Variants in NAV2 observed in about 807,000 individuals in gnomAD.
NAV2 encodes neuron navigator 2.
A neutral mutation model predicts 223.2 loss-of-function variants in NAV2; 54 were observed. The ratio of observed to expected loss-of-function variants is 0.24; its 90% CI spans 0.19 to 0.30. NAV2 has a LOEUF of 0.30. NAV2 is among the 10% of genes least tolerant of loss of function. NAV2 has a pLI of 1.00. For missense variants in NAV2, 2,806 were observed against 3,147.5 expected (o/e 0.89, Z 2.60); for synonymous variants, 1,279 against 1,239.3 (o/e 1.03, Z -0.67).
At chr11:19,969,223 T>G (rs1031631389) in intron 10 of NAV2, among the ~76,000 whole-genome samples, 18 of 152,204 alleles carry the variant, frequency 1.2e-4, no homozygotes, top group Admixed American at 3.9e-4. Flanking sequence ...AATTTGGCCA[T>G]GGAGAAATGA....
In NAV2 at chr11:19,779,102, C is replaced by T. The variant is rs546639325; in HGVS notation, c.268-53382C>T. 3.7e-4 allele frequency among the ~76,000 whole-genome samples: 57 copies of T among 152,280 alleles called. No individual in the cohort carries two copies. In the East Asian group the frequency reaches 0.01, roughly 27 times the overall value. ...CCGTTTAGTCTATGGAGGGAGCTTT[C>T]CTCAACAAGGGTCAGGGGTCAGCCT... On this transcript the variant is annotated intron_variant, in intron 1 of 37. Coordinates refer to ENST00000349880, the MANE Select transcript of NAV2 (RefSeq NM_145117.5).
At chr11:20,067,884 A>G (rs1421988367) in intron 20 of NAV2, among the ~76,000 whole-genome samples, 3 of 151,948 alleles carry the variant, frequency 2.0e-5, no homozygotes, top group Non-Finnish European at 4.4e-5. Context: ...CTTATCACAT[A>G]TCTTCTTCTG....
At chr11:19,816,924 C>A (rs999244082) in intron 1 of NAV2, among the ~76,000 whole-genome samples, 2 of 152,090 alleles carry the variant, frequency 1.3e-5, no homozygotes, top group South Asian at 2.1e-4. Flanking sequence ...TCTGTGCCTT[C>A]GGTCACAGCC....
At chr11:20,099,641 C>G (rs936390335) in intron 31 of NAV2, among the ~76,000 whole-genome samples, 6 of 152,154 alleles carry the variant, frequency 3.9e-5, no homozygotes, top group African/African-American at 1.4e-4. Context: ...AAAAACCACT[C>G]AAGGATTTGA....
At chr11:19,558,436 C>T (rs1322221214) in intron 1 of NAV2, among the ~76,000 whole-genome samples, 1 of 152,192 alleles carries the variant, frequency 6.6e-6, no homozygotes. Context: ...TGTGCCAAAC[C>T]CCTACTCACC....
chr11:19,523,105 G>GA (rs777773075), intron 1 of NAV2, among the ~76,000 whole-genome samples: 47 of 152,356 alleles, frequency 3.1e-4, no homozygotes, highest in Middle Eastern at 3.4e-3. Context: ...GCAGCCAGGA[G>GA]AGGGTACCTC....
At chr11:19,810,799 A>G (rs1565355356) in intron 1 of NAV2, among the ~76,000 whole-genome samples, 1 of 152,058 alleles carries the variant, frequency 6.6e-6, no homozygotes. Flanking sequence ...TGGCATCTGT[A>G]TTTTAATAAG....
At chr11:19,849,352 G>T (rs762212347) in intron 3 of NAV2, among the ~76,000 whole-genome samples, 2 of 152,222 alleles carry the variant, frequency 1.3e-5, no homozygotes, top group Non-Finnish European at 2.9e-5. Context: ...GTTAGGTTTA[G>T]CTGAGAGTTA....
At chr11:20,039,168 A>AT (rs2056677782) in intron 12 of NAV2, among the ~76,000 whole-genome samples, 1 of 152,178 alleles carries the variant, frequency 6.6e-6, no homozygotes, top group Non-Finnish European at 1.5e-5. Context: ...GGTGTCAGGG[A>AT]GTAGGTGTGG....
In NAV2 at chr11:20,093,610, C is replaced by T. The variant is rs1015838695; in HGVS notation, c.5916+411C>T. Among the ~76,000 whole-genome samples the T allele has an allele frequency of 2.6e-5, 4 of 152,300 alleles. No individual in the cohort carries two copies. In the South Asian group the frequency reaches 8.3e-4, roughly 32 times the overall value. On this transcript the variant is annotated intron_variant, in intron 29 of 37. Coordinates refer to ENST00000349880, the MANE Select transcript of NAV2 (RefSeq NM_145117.5). ...CAAGAGCACCAGTTTTATCGGTCAT[C>T]AGTCACCAAGAGTACACATCTTGGT... is the stretch of plus-strand genomic sequence containing the variant.
intron 1 of NAV2, among the ~76,000 whole-genome samples, chr11:19,582,726 T>A (rs2045761594): frequency 6.6e-6 from 1 of 152,216 alleles, no homozygotes; most frequent in South Asian, 2.1e-4. Context: ...TTGGTCTATA[T>A]CTCTGTTTTG....
chr11:19,887,258 C>T (rs959388822), intron 5 of NAV2, among the ~76,000 whole-genome samples: 7 of 152,042 alleles, frequency 4.6e-5, no homozygotes, highest in Admixed American at 1.3e-4. Flanking sequence ...TGGGGAGGGG[C>T]GTATGGAGGG....
At chr11:19,473,390 A>G (rs2042023842) in intron 1 of NAV2, among the ~76,000 whole-genome samples, 1 of 152,112 alleles carries the variant, frequency 6.6e-6, no homozygotes, top group African/African-American at 2.4e-5. Flanking sequence ...TAATTATTAA[A>G]TTTATTTAAA....
At chr11:19,677,733 C>T (rs1373137044) in intron 1 of NAV2, among the ~76,000 whole-genome samples, 2 of 152,254 alleles carry the variant, frequency 1.3e-5, no homozygotes, top group Admixed American at 1.3e-4. Context: ...CTATGGCCCC[C>T]AGGCCAAATC....
intron 11 of NAV2, among the ~76,000 whole-genome samples, chr11:19,999,661 G>A (rs538647513): frequency 7.9e-5 from 12 of 152,266 alleles, no homozygotes; most frequent in African/African-American, 1.7e-4. Flanking sequence ...GTGAGTCACC[G>A]CACTGGGCCA....
intron 1 of NAV2, among the ~76,000 whole-genome samples, chr11:19,490,722 T>C (rs1193959972): frequency 6.6e-6 from 1 of 152,252 alleles, no homozygotes; most frequent in Non-Finnish European, 1.5e-5. Flanking sequence ...ATGTTGATAC[T>C]TCGGCCTTCT....
rs781227816 is a variant in NAV2, at chr11:19,949,095, C to A, written c.2645+15C>A. 1 of 1,566,770 alleles carries A rather than the reference C, an allele frequency of 6.4e-7. No individual in the cohort carries two copies. Among genetic ancestry groups the A allele is most frequent in the African/African-American group, 1.4e-5 (1 of 73,630 alleles). Reference sequence around the variant, plus strand: ...ATTACAAGCGGGTAAGTACCCGGGGCCGCCCTTTCTCCCAGAGAGAAAGAG... The same window carrying A: ...ATTACAAGCGGGTAAGTACCCGGGGACGCCCTTTCTCCCAGAGAGAAAGAG... On this transcript the variant is annotated intron_variant, in intron 10 of 37. Transcript: ENST00000349880.
chr11:20,118,315 C>G lies in NAV2; in HGVS notation c.*57C>G. The G allele has an allele frequency of 6.3e-7, 1 of 1,589,892 alleles. No homozygotes were observed. On this transcript the variant is annotated 3_prime_UTR_variant, in exon 38 of 38. Transcript: ENST00000349880. Reference sequence around the variant, plus strand: ...TCCTCACCGCATTCCACCTGCATCCCCCACATCACCCTGAAGATGACTTCC... The same window carrying G: ...TCCTCACCGCATTCCACCTGCATCCGCCACATCACCCTGAAGATGACTTCC...
intron 1 of NAV2, among the ~76,000 whole-genome samples, chr11:19,721,681 A>G (rs2050760543): frequency 6.6e-6 from 1 of 152,264 alleles, no homozygotes; most frequent in Non-Finnish European, 1.5e-5. Context: ...GAGGAAAACC[A>G]TAAATGCTAC....
Sources: gnomAD v4.1 joint callset for allele counts (sites outside exome capture counted in the v4.1 genomes callset) on GRCh38, gnomAD v4.1.1 for gene constraint, MANE v1.5 for transcripts, NCBI Gene and HGNC (gene_info 2026-07-23, HGNC 2026-07-21) for gene names.